The following KIF5C variants were observed in gnomAD, a reference collection of about 807,000 sequenced individuals.
KIF5C encodes the protein kinesin heavy chain isoform 5C.
KIF5C carries 18 observed loss-of-function variants against 125.2 expected under a neutral mutation model. That is an observed-to-expected ratio of 0.14 (90% CI 0.10 to 0.21). The LOEUF (loss-of-function observed/expected upper bound fraction) is 0.21, where lower values mean the gene tolerates loss of function less well. Among genes scored for constraint, KIF5C ranks in the 10% least tolerant of loss-of-function variants. KIF5C has a pLI of 1.00. For missense variants in KIF5C, 780 were observed against 1,183.8 expected (o/e 0.66, Z 5.01); for synonymous variants, 405 against 434.0 (o/e 0.93, Z 0.83).
At chr2:148,950,796 G>A (rs1242639056) in intron 10 of KIF5C, among the ~76,000 whole-genome samples, 5 of 148,178 alleles carry the variant, frequency 3.4e-5, no homozygotes, top group South Asian at 2.1e-4. Flanking sequence ...GCGACAGAGC[G>A]AGACTGTCTC....
At chr2:149,006,563 A>G (rs1278345571) in intron 22 of KIF5C, among the ~76,000 whole-genome samples, 1 of 152,192 alleles carries the variant, frequency 6.6e-6, no homozygotes, top group Non-Finnish European at 1.5e-5. Context: ...GCTATGGAAG[A>G]GTAGAAGGAT....
chr2:148,936,947 T>G (rs1682304399), intron 3 of KIF5C, among the ~76,000 whole-genome samples: 1 of 152,214 alleles, frequency 6.6e-6, no homozygotes, highest in Admixed American at 6.5e-5. Flanking sequence ...TTCTCGTTCC[T>G]TCTCCTGCTC....
At chr2:149,015,941 G>A (rs559291506) in intron 25 of KIF5C, among the ~76,000 whole-genome samples, 1 of 152,346 alleles carries the variant, frequency 6.6e-6, no homozygotes, top group Admixed American at 6.5e-5. Flanking sequence ...GTAGTGGTAA[G>A]TGCTCAGAAG....
chr2:148,963,337 A>C (rs1044083115), intron 11 of KIF5C, among the ~76,000 whole-genome samples: 2 of 151,962 alleles, frequency 1.3e-5, no homozygotes, highest in African/African-American at 2.4e-5. Flanking sequence ...CAGGATTGGG[A>C]GGTAATGCTG....
chr2:148,885,040 G>T (rs1034642996), intron 1 of KIF5C, among the ~76,000 whole-genome samples: 7 of 149,070 alleles, frequency 4.7e-5, no homozygotes, highest in Non-Finnish European at 1.0e-4. Context: ...GCACGATCTT[G>T]GCTCACTGCA....
At chr2:148,911,570 C>A (rs779721884) in intron 1 of KIF5C, among the ~76,000 whole-genome samples, 12 of 152,136 alleles carry the variant, frequency 7.9e-5, no homozygotes, top group Admixed American at 5.2e-4. Context: ...GAAGACCAAC[C>A]TTCTAAATAG....
At chr2:149,013,585 C>T (rs1398359201) in intron 25 of KIF5C, among the ~76,000 whole-genome samples, 1 of 152,180 alleles carries the variant, frequency 6.6e-6, no homozygotes, top group African/African-American at 2.4e-5. Flanking sequence ...CATTATGGAC[C>T]ACCTAATATG....
At chr2:148,882,942 G>A (rs1344230152) in intron 1 of KIF5C, among the ~76,000 whole-genome samples, 1 of 152,212 alleles carries the variant, frequency 6.6e-6, no homozygotes, top group Non-Finnish European at 1.5e-5. Flanking sequence ...CTAGAACAGA[G>A]TAGTTGCTCA....
chr2:148,941,981 G>A lies in KIF5C; in HGVS notation c.492G>A (p.Pro164=), dbSNP rs1361877888. 12 of 1,611,410 alleles carry A rather than the reference G, an allele frequency of 7.4e-6. No individual in the cohort carries two copies. Among genetic ancestry groups the A allele is most frequent in the Middle Eastern group, 1.6e-4 (1 of 6,066 alleles). Residue 164 remains proline (P), a synonymous_variant, in exon 6 of 26, where the codon CCG becomes CCA. Transcript: ENST00000435030. ...TTCATGAAGATAAAAACAGAGTCCC[G>A]TATGTAAAGGTATGAGGAAGATTTG... ...LAVHEDKNRV[P]YVKGCTERFV... is the part of the protein sequence containing the mutation.
Position 149,010,119 on chromosome 2 carries a change from T to C in KIF5C, c.2551-16T>C. The C allele has an allele frequency of 6.5e-7, 1 of 1,537,416 alleles. No homozygotes were observed. Among genetic ancestry groups the C allele is most frequent in the Non-Finnish European group, 8.8e-7 (1 of 1,139,616 alleles). On this transcript the variant is annotated splice_polypyrimidine_tract_variant and intron_variant, in intron 23 of 25. Coordinates refer to ENST00000435030, the MANE Select transcript of KIF5C (RefSeq NM_004522.3). ...CTGCCTGGTAGTAACTCCCTTCCTT[T>C]ATCCTCCTGCCCCAGCTGGTCCGGG...
At chr2:148,931,880 G>A (rs1191262889) in intron 3 of KIF5C, among the ~76,000 whole-genome samples, 1 of 152,124 alleles carries the variant, frequency 6.6e-6, no homozygotes, top group African/African-American at 2.4e-5. Context: ...AGTTTTAAAA[G>A]GTCAGTTGTA....
At chr2:148,879,496 GC>G (rs1426452367) in intron 1 of KIF5C, 1 of 139,520 alleles carries the variant, frequency 7.2e-6, no homozygotes, top group Non-Finnish European at 1.5e-5. Flanking sequence ...ACTGCATTCA[GC>G]TTTGGCAAAA....
intron 20 of KIF5C, 34 bp downstream of exon 20, chr2:149,000,558 C>G (rs780258878): frequency 3.9e-6 from 6 of 1,546,396 alleles, no homozygotes; most frequent in Admixed American, 3.9e-5. Flanking sequence ...TCTATTTTCT[C>G]TCATCCCCAT....
At chr2:149,003,982 G>A (rs1681931456) in intron 21 of KIF5C, among the ~76,000 whole-genome samples, 1 of 152,202 alleles carries the variant, frequency 6.6e-6, no homozygotes, top group African/African-American at 2.4e-5. Context: ...AGGGTATCTG[G>A]GCTGAGCTCC....
chr2:148,914,204 TC>T (rs1480454448), intron 1 of KIF5C, among the ~76,000 whole-genome samples: 1 of 152,178 alleles, frequency 6.6e-6, no homozygotes, highest in Non-Finnish European at 1.5e-5. Flanking sequence ...GCCTGACTTT[TC>T]CTCCTACCCC....
In KIF5C at chr2:148,973,493, C is replaced by A; in HGVS notation, c.1275C>A (p.Tyr425Ter). 6.2e-7 allele frequency: 1 copy of A among 1,609,942 alleles called. No individual in the cohort carries two copies. The change falls in exon 12 of 26, where the codon TAC becomes TAA. Residue 425 changes from tyrosine (Y) to a stop codon, truncating the protein, a stop_gained. Transcript: ENST00000435030. LOFTEE classifies it high-confidence loss of function. ...ACGATGAGGAGATCTCCAGTCTCTA[C>A]AGACAACTGGATGACAAGGTCTGTG... The part of the protein sequence containing the change: ...EKYDEEISSL[Y>*]RQLDDKDDEI...
At chr2:148,942,936 TG>T (rs1682441453) in intron 7 of KIF5C, among the ~76,000 whole-genome samples, 176 bp downstream of exon 7, 1 of 152,134 alleles carries the variant, frequency 6.6e-6, no homozygotes, top group South Asian at 2.1e-4. Context: ...TAGGCAGTCA[TG>T]GGAAAGGGTG....
At chr2:148,936,765 T>G (rs1443078661) in intron 3 of KIF5C, among the ~76,000 whole-genome samples, 2 of 152,208 alleles carry the variant, frequency 1.3e-5, no homozygotes, top group African/African-American at 4.8e-5. Context: ...TGAAATGTAT[T>G]TTCTTGATTG....
chr2:148,939,483 T>C (rs779735397), intron 4 of KIF5C, among the ~76,000 whole-genome samples: 1 of 152,202 alleles, frequency 6.6e-6, no homozygotes, highest in Non-Finnish European at 1.5e-5. Context: ...AGGGTTCTTA[T>C]GTGATAATCC....
Sources: gnomAD v4.1 joint callset for allele counts (sites outside exome capture counted in the v4.1 genomes callset) on GRCh38, gnomAD v4.1.1 for gene constraint, MANE v1.5 for transcripts, NCBI Gene and HGNC (gene_info 2026-07-23, HGNC 2026-07-21) for gene names.